TBC1D19: variants seen among roughly 807,000 people sequenced by gnomAD.
TBC1D19 encodes the protein TBC1 domain family member 19, also known as TBC1 domain family, member 19.
Under a neutral mutation model 89.0 loss-of-function variants are expected in TBC1D19, and 60 were observed. That is an observed-to-expected ratio of 0.67 (90% CI 0.55 to 0.84). TBC1D19 has a LOEUF of 0.84. Among genes scored for constraint, TBC1D19 ranks in the 40% least tolerant of loss-of-function variants. TBC1D19 has a pLI of 0.00. For synonymous variants in TBC1D19, 189 were observed against 199.7 expected (o/e 0.95, Z 0.45); for missense variants, 500 against 610.8 (o/e 0.82, Z 1.91).
chr4:26,667,729 G>C (rs1711939246), intron 9 of TBC1D19, among the ~76,000 whole-genome samples: 1 of 151,794 alleles, frequency 6.6e-6, no homozygotes, highest in Admixed American at 6.6e-5. Context: ...CATTTTCTAG[G>C]TCCTAGAAAT....
chr4:26,798,379 A>G, the TBC1D19 span, among the ~76,000 whole-genome samples: 110 of 152,312 alleles, frequency 7.2e-4, no homozygotes, highest in Middle Eastern at 3.4e-3. Flanking sequence ...CAGAATGGCT[A>G]TTATTAAAAA....
intron 13 of TBC1D19, among the ~76,000 whole-genome samples, chr4:26,711,310 G>A (rs906368903): frequency 6.6e-6 from 1 of 152,064 alleles, no homozygotes; most frequent in African/African-American, 2.4e-5. Context: ...GTTTTTGACA[G>A]GTGAGGGCAG....
the TBC1D19 span, among the ~76,000 whole-genome samples, chr4:26,825,282 A>G: frequency 6.6e-6 from 1 of 152,062 alleles, no homozygotes; most frequent in Non-Finnish European, 1.5e-5. Flanking sequence ...TATCTTTAGT[A>G]GAGATGGGGT....
the TBC1D19 span, among the ~76,000 whole-genome samples, chr4:26,851,073 A>G: frequency 6.6e-6 from 1 of 152,130 alleles, no homozygotes; most frequent in Non-Finnish European, 1.5e-5. Context: ...GGACATCACA[A>G]CTTCAGGTTT....
At chr4:26,775,308 A>G in the TBC1D19 span, among the ~76,000 whole-genome samples, 1 of 152,226 alleles carries the variant, frequency 6.6e-6, no homozygotes, top group South Asian at 2.1e-4. Context: ...TTAAAAATTA[A>G]CCAGATATAG....
At chr4:26,676,276 C>G (rs1261161456) in intron 11 of TBC1D19, among the ~76,000 whole-genome samples, 2 of 152,206 alleles carry the variant, frequency 1.3e-5, no homozygotes, top group African/African-American at 4.8e-5. Flanking sequence ...TCAGTCCCTT[C>G]TCTTCAGTCT....
chr4:26,784,487 T>A, the TBC1D19 span, among the ~76,000 whole-genome samples: 1 of 152,336 alleles, frequency 6.6e-6, no homozygotes, highest in East Asian at 1.9e-4. Flanking sequence ...ACCTCAGATC[T>A]TAGGCTATGG....
Position 26,632,290 on chromosome 4 carries a change from T to G in TBC1D19, c.295-4921T>G, listed in dbSNP as rs575774703. ...TATAACTTTTGACTCCCCCAAAACT[T>G]AACTACTAATAGCCTACTGTTGACC... On this transcript the variant is annotated intron_variant, in intron 4 of 20. Transcript: ENST00000264866. Among the ~76,000 whole-genome samples, 21 of 151,938 alleles carry G rather than the reference T, an allele frequency of 1.4e-4. No homozygotes were observed. In the South Asian group the frequency reaches 4.4e-3, roughly 31 times the overall value.
At chr4:26,662,592 G>A (rs1240834363) in intron 8 of TBC1D19, among the ~76,000 whole-genome samples, 5 of 152,116 alleles carry the variant, frequency 3.3e-5, no homozygotes, top group African/African-American at 9.7e-5. Flanking sequence ...ACCCAGTGCC[G>A]TGAATGAAAG....
the TBC1D19 span, among the ~76,000 whole-genome samples, chr4:26,823,111 A>C: frequency 6.6e-6 from 1 of 152,236 alleles, no homozygotes. Flanking sequence ...GAGGCCTCAC[A>C]ATCATGGCAG....
At chr4:26,812,259 A>T in the TBC1D19 span, among the ~76,000 whole-genome samples, 1 of 152,096 alleles carries the variant, frequency 6.6e-6, no homozygotes, top group Non-Finnish European at 1.5e-5. This position sits in a 1 kb window ranked among gnomAD's most constrained non-coding sequence, Gnocchi z 4.2. Flanking sequence ...TGTTTAATAG[A>T]TGGACCCTCC....
chr4:26,660,382 A>T (rs1745147701), intron 8 of TBC1D19, among the ~76,000 whole-genome samples: 1 of 152,218 alleles, frequency 6.6e-6, no homozygotes, highest in African/African-American at 2.4e-5. Context: ...AGGGGAGAAG[A>T]TCAAACCTAA....
At chr4:26,787,963 G>A in the TBC1D19 span, among the ~76,000 whole-genome samples, 2 of 152,150 alleles carry the variant, frequency 1.3e-5, no homozygotes, top group East Asian at 1.9e-4. Flanking sequence ...AGAAACTCTC[G>A]GCTGACAGTT....
the TBC1D19 span, chr4:26,857,674 A>C: frequency 4.5e-4 from 68 of 152,250 alleles, no homozygotes; most frequent in African/African-American, 1.4e-3. Flanking sequence ...AGCCGGCAGG[A>C]GGCAGCGGGC....
intron 14 of TBC1D19, among the ~76,000 whole-genome samples, chr4:26,719,705 TAC>T (rs1209831314): frequency 6.6e-6 from 1 of 152,148 alleles, no homozygotes; most frequent in Non-Finnish European, 1.5e-5. Flanking sequence ...CATAAAAGTG[TAC>T]ACACAGTATT....
chr4:26,761,959 T>C, the TBC1D19 span, among the ~76,000 whole-genome samples: 1 of 152,102 alleles, frequency 6.6e-6, no homozygotes, highest in African/African-American at 2.4e-5. Flanking sequence ...AAACCCCGTC[T>C]CTACTAAAAG....
chr4:26,756,394 C>CT (rs1719263218), downstream of TBC1D19, among the ~76,000 whole-genome samples: 1 of 152,060 alleles, frequency 6.6e-6, no homozygotes, highest in African/African-American at 2.4e-5. Flanking sequence ...CCATCTTTGG[C>CT]TTTTTTCTTT....
chr4:26,798,400 A>G, the TBC1D19 span, among the ~76,000 whole-genome samples: 2 of 152,330 alleles, frequency 1.3e-5, no homozygotes, highest in East Asian at 1.9e-4. Flanking sequence ...GTCAAAAGCA[A>G]CAGATGTTGG....
chr4:26,828,096 C>G, the TBC1D19 span, among the ~76,000 whole-genome samples: 1 of 152,132 alleles, frequency 6.6e-6, no homozygotes, highest in Admixed American at 6.5e-5. Context: ...GGCGTGTAGT[C>G]CCCAGGAGGC....
Sources: gnomAD v4.1 joint callset for allele counts (sites outside exome capture counted in the v4.1 genomes callset) on GRCh38, gnomAD v4.1.1 for gene constraint, Gnocchi (gnomAD v3.1) non-coding constraint, MANE v1.5 for transcripts, NCBI Gene and HGNC (gene_info 2026-07-23, HGNC 2026-07-21) for gene names.